The following MAP2K4 variants were observed in gnomAD, a reference collection of about 807,000 sequenced individuals.
The protein encoded by MAP2K4 is dual specificity mitogen-activated protein kinase kinase 4.
Under a neutral mutation model 48.5 loss-of-function variants are expected in MAP2K4, and 4 were observed. The ratio of observed to expected loss-of-function variants is 0.08; its 90% confidence interval spans 0.04 to 0.19. MAP2K4 has a LOEUF of 0.19. MAP2K4 is among the 10% of genes least tolerant of loss of function. The pLI is 1.00. For missense variants in MAP2K4, 258 were observed against 493.3 expected, an observed-to-expected ratio of 0.52 and a Z score of 4.52; for synonymous variants, 166 against 173.1, an observed-to-expected ratio of 0.96 and a Z score of 0.32.
chr17:12,138,269 G>A (rs942435396), intron 9 of MAP2K4, among the ~76,000 whole-genome samples: 8 of 150,826 alleles, frequency 5.3e-5, no homozygotes, highest in East Asian at 4.0e-4. Context: ...TCAAAAATCC[G>A]CATATAACTT....
chr17:12,078,022 ATCT>A (rs771236706), intron 2 of MAP2K4, among the ~76,000 whole-genome samples: 2 of 152,162 alleles, frequency 1.3e-5, no homozygotes, highest in Non-Finnish European at 2.9e-5. Flanking sequence ...AACCTTCATT[ATCT>A]TCTTATAGGC....
At chr17:12,091,266 C>T (rs999571511) in intron 3 of MAP2K4, among the ~76,000 whole-genome samples, 1 of 152,186 alleles carries the variant, frequency 6.6e-6, no homozygotes, top group Non-Finnish European at 1.5e-5. Context: ...CAATGACTTC[C>T]AGGTGCCATG....
chr17:12,134,456 G>A (rs1973139963), intron 9 of MAP2K4, among the ~76,000 whole-genome samples: 1 of 152,198 alleles, frequency 6.6e-6, no homozygotes, highest in Non-Finnish European at 1.5e-5. Context: ...ACAGCAGATT[G>A]AGTATTGCAG....
intron 3 of MAP2K4, among the ~76,000 whole-genome samples, chr17:12,087,226 A>G (rs180720251): frequency 6.6e-6 from 1 of 152,248 alleles, no homozygotes; most frequent in Non-Finnish European, 1.5e-5. Context: ...CATATTTTCT[A>G]TCATTCTTTG....
intron 2 of MAP2K4, among the ~76,000 whole-genome samples, chr17:12,074,944 CTG>C (rs1970949573): frequency 1.3e-5 from 2 of 152,088 alleles, no homozygotes; most frequent in African/African-American, 2.4e-5. Context: ...TATATTCTGT[CTG>C]TTTTTTTCAG....
intron 6 of MAP2K4, among the ~76,000 whole-genome samples, chr17:12,111,606 G>C (rs538200146): frequency 6.6e-6 from 1 of 152,020 alleles, no homozygotes; most frequent in African/African-American, 2.4e-5. Flanking sequence ...ACTGCCTGGG[G>C]AGTAGTTGAA....
chr17:12,057,718 G>A (rs961579328), intron 2 of MAP2K4, among the ~76,000 whole-genome samples: 3 of 151,838 alleles, frequency 2.0e-5, no homozygotes, highest in Admixed American at 6.6e-5. Context: ...AATGTGTTCC[G>A]TCTCATTGTT....
chr17:12,115,854 A>T (rs2151579645), intron 7 of MAP2K4: 9 of 688,616 alleles, frequency 1.3e-5, no homozygotes, highest in South Asian at 1.3e-4. Context: ...AAAACCATGT[A>T]CTGCATCGTC....
rs957920608 is a variant in MAP2K4, at chr17:12,021,079, C to T, written c.115+78C>T. ...TCGTCGCGGCCTGCCCCAGCGGACG[C>T]CCCCGGACCCGGCTGAGGAAGCCAC... On this transcript the variant is annotated intron_variant, in intron 1 of 10. Transcript: ENST00000353533. The T allele has an allele frequency of 1.4e-5, 12 of 870,054 alleles. 1 individual carries two copies. In the Admixed American group the frequency reaches 4.1e-4, roughly 30 times the overall value. The allele number at this position is 870,054 out of a possible 1,614,324, so 53.9% of individuals were successfully genotyped here. A position where few individuals can be genotyped will look rare whatever the true frequency, so the allele number is the denominator to read the frequency against.
chr17:12,046,612 A>C (rs1479331468), intron 1 of MAP2K4, among the ~76,000 whole-genome samples: 2 of 152,152 alleles, frequency 1.3e-5, no homozygotes, highest in African/African-American at 2.4e-5. Context: ...TGGCTGTGGA[A>C]TCCCATAATG....
chr17:12,077,897 CTGAGCTCAAGTGACCTCTT>C (rs1255073527), intron 2 of MAP2K4, among the ~76,000 whole-genome samples: 1 of 152,156 alleles, frequency 6.6e-6, no homozygotes, highest in East Asian at 1.9e-4. Flanking sequence ...ACCTCTCACT[CTGAGCTCAAGTGACCTCTT>C]GTGCATATGA....
intron 1 of MAP2K4, among the ~76,000 whole-genome samples, chr17:12,023,496 A>C (rs1251015628): frequency 2.6e-5 from 4 of 152,104 alleles, no homozygotes; most frequent in Non-Finnish European, 4.4e-5. Context: ...ATCTAATTAT[A>C]CTTGCCACTC....
At chr17:12,118,020 A>G (rs1972558137) in intron 7 of MAP2K4, among the ~76,000 whole-genome samples, 1 of 152,334 alleles carries the variant, frequency 6.6e-6, no homozygotes, top group South Asian at 2.1e-4. Flanking sequence ...ATGAACATCT[A>G]TCATGAAGAA....
chr17:12,074,635 G>A (rs12051769), intron 2 of MAP2K4, among the ~76,000 whole-genome samples: 97,353 of 151,930 alleles, frequency 0.64, 33,340 homozygotes, highest in South Asian at 0.8. Flanking sequence ...ACAATCATCC[G>A]CTGATCAAGG....
At chr17:12,038,001 TG>T (rs1969653440) in intron 1 of MAP2K4, among the ~76,000 whole-genome samples, 1 of 152,112 alleles carries the variant, frequency 6.6e-6, no homozygotes, top group Non-Finnish European at 1.5e-5. Flanking sequence ...TAAAATAATT[TG>T]GGGATGCTTA....
intron 2 of MAP2K4, among the ~76,000 whole-genome samples, chr17:12,057,696 ACT>A (rs1055498868): frequency 4.7e-4 from 72 of 151,618 alleles, no homozygotes; most frequent in Non-Finnish European, 1.9e-4. Context: ...TGTATCCTAG[ACT>A]CTAAAAAAAA....
At chr17:12,098,261 C>T (rs576675927) in intron 4 of MAP2K4, among the ~76,000 whole-genome samples, 140 of 152,096 alleles carry the variant, frequency 9.2e-4, no homozygotes, top group Non-Finnish European at 2.1e-4. Flanking sequence ...GGGCGGATCA[C>T]GAGGTCAGGA....
At chr17:12,131,705 A>G (rs891390258) in intron 9 of MAP2K4, among the ~76,000 whole-genome samples, 1 of 152,172 alleles carries the variant, frequency 6.6e-6, no homozygotes, top group Non-Finnish European at 1.5e-5. Flanking sequence ...GAAAGTAGCC[A>G]AACCTAAGAG....
chr17:12,032,437 C>A, intron 1 of MAP2K4: 2 of 407,318 alleles, frequency 4.9e-6, no homozygotes, highest in Non-Finnish European at 8.6e-6. Flanking sequence ...CATTCTTCTT[C>A]CAAATATTAA....
Sources: allele counts gnomAD v4.1 joint callset (sites outside exome capture counted in the v4.1 genomes callset), GRCh38; gene constraint gnomAD v4.1.1; transcripts MANE v1.5; gene names NCBI Gene and HGNC (gene_info 2026-07-23, HGNC 2026-07-21).